The following PTPRT variants were observed in gnomAD, a reference collection of about 807,000 sequenced individuals.
PTPRT encodes the protein protein tyrosine phosphatase receptor type T.
Under a neutral mutation model 176.8 loss-of-function variants are expected in PTPRT, and 56 were observed. The observed-to-expected ratio is 0.32, with a 90% CI of 0.26 to 0.40. The LOEUF (loss-of-function observed/expected upper bound fraction) is 0.40, where lower values mean the gene tolerates loss of function less well. Among genes scored for constraint, PTPRT ranks in the 10% least tolerant of loss-of-function variants. The pLI is 1.00. For missense variants in PTPRT, 1,540 were observed against 1,908.2 expected, an observed-to-expected ratio of 0.81 and a Z score of 3.60; for synonymous variants, 783 against 739.0, an observed-to-expected ratio of 1.06 and a Z score of -0.96.
At chr20:42,163,045 T>A (rs1401971567) in intron 16 of PTPRT, among the ~76,000 whole-genome samples, 1 of 152,186 alleles carries the variant, frequency 6.6e-6, no homozygotes. Context: ...CAGGAATGGT[T>A]GGTCACCCTA....
In PTPRT at chr20:42,118,214, G is replaced by T. The variant is rs544382432; in HGVS notation, c.2982+189C>A. On this transcript the variant is annotated intron_variant, in intron 21 of 30. Coordinates refer to ENST00000373187, the MANE Select transcript of PTPRT (RefSeq NM_007050.6). ...TCAACGGAGAGTGAGGGTGTAAAAA[G>T]GGATGAAGGGGATTTGAAGGGAAAG... Among the ~76,000 whole-genome samples the T allele has an allele frequency of 3.5e-3, 533 of 152,300 alleles. 6 individuals are homozygous for T. The highest frequency in any genetic ancestry group is 0.012 in the African/African-American group (502 of 41,556).
intron 1 of PTPRT, among the ~76,000 whole-genome samples, chr20:42,915,388 C>A (rs1978670039): frequency 6.6e-6 from 1 of 152,234 alleles, no homozygotes; most frequent in Non-Finnish European, 1.5e-5. Context: ...AGCAAGCTGC[C>A]TTCTGATCTG....
intron 27 of PTPRT, among the ~76,000 whole-genome samples, chr20:42,090,787 G>A (rs1011401097): frequency 6.6e-5 from 10 of 152,222 alleles, no homozygotes; most frequent in Admixed American, 1.3e-4. Context: ...TCACGAGGAC[G>A]TAGCTGACCT....
intron 2 of PTPRT, among the ~76,000 whole-genome samples, chr20:42,877,273 C>T (rs915937339): frequency 6.6e-6 from 1 of 152,160 alleles, no homozygotes; most frequent in Non-Finnish European, 1.5e-5. Flanking sequence ...CCTCTGGCTG[C>T]TGGCCCATCC....
chr20:42,751,185 TA>T (rs1217681501), intron 6 of PTPRT, among the ~76,000 whole-genome samples: 1 of 152,094 alleles, frequency 6.6e-6, no homozygotes, highest in East Asian at 1.9e-4. Context: ...TCAGCCTGAG[TA>T]CCTGCTGTGG....
At chr20:42,400,242 A>G (rs530059353) in intron 9 of PTPRT, among the ~76,000 whole-genome samples, 31 of 152,316 alleles carry the variant, frequency 2.0e-4, no homozygotes, top group African/African-American at 7.0e-4. Context: ...GACATCATTT[A>G]AAAAATCATA....
chr20:42,445,678 T>C (rs2059356014), intron 9 of PTPRT, among the ~76,000 whole-genome samples: 1 of 152,218 alleles, frequency 6.6e-6, no homozygotes, highest in Non-Finnish European at 1.5e-5. Context: ...CTGGTTCCGG[T>C]TCTCTGCAAA....
At chr20:42,901,378 T>C (rs1354934528) in intron 1 of PTPRT, among the ~76,000 whole-genome samples, 1 of 152,132 alleles carries the variant, frequency 6.6e-6, no homozygotes, top group African/African-American at 2.4e-5. Context: ...TTAGTAATTA[T>C]TACTCCCATC....
At chr20:42,430,618 C>T (rs2059208009) in intron 9 of PTPRT, among the ~76,000 whole-genome samples, 1 of 152,128 alleles carries the variant, frequency 6.6e-6, no homozygotes, top group Non-Finnish European at 1.5e-5. Context: ...GGCTGCGAGT[C>T]CTTCAATTCA....
intron 1 of PTPRT, among the ~76,000 whole-genome samples, chr20:43,075,212 G>A (rs554098004): frequency 6.6e-6 from 1 of 152,228 alleles, no homozygotes; most frequent in Non-Finnish European, 1.5e-5. Flanking sequence ...GATTTCTCAC[G>A]AAAGTGTTGA....
At chr20:42,619,786 C>A (rs2074153030) in intron 7 of PTPRT, among the ~76,000 whole-genome samples, 1 of 130,622 alleles carries the variant, frequency 7.7e-6, no homozygotes, top group Admixed American at 7.2e-5. Context: ...TGGTTTTCAG[C>A]TCCATCAGCT....
chr20:42,654,210 T>C (rs1484562884), intron 7 of PTPRT, among the ~76,000 whole-genome samples: 1 of 151,874 alleles, frequency 6.6e-6, no homozygotes, highest in Non-Finnish European at 1.5e-5. Context: ...CCATAGAGAA[T>C]GAACAGCAGC....
At chr20:42,146,404 C>T (rs975867489) in intron 17 of PTPRT, among the ~76,000 whole-genome samples, 1 of 152,144 alleles carries the variant, frequency 6.6e-6, no homozygotes, top group Non-Finnish European at 1.5e-5. Context: ...AAAATAATTG[C>T]GTTGAGTACT....
chr20:42,191,570 G>C (rs1991005562), intron 16 of PTPRT, among the ~76,000 whole-genome samples: 1 of 152,170 alleles, frequency 6.6e-6, no homozygotes, highest in South Asian at 2.1e-4. Context: ...ATTCCGAGGA[G>C]GGCTGATGGC....
chr20:43,048,421 G>A (rs1177195016), intron 1 of PTPRT, among the ~76,000 whole-genome samples: 3 of 152,094 alleles, frequency 2.0e-5, no homozygotes, highest in African/African-American at 7.2e-5. Flanking sequence ...ACAACAGGGT[G>A]GCACAACCAG....
chr20:42,782,899 G>A (rs2077234940), intron 3 of PTPRT, among the ~76,000 whole-genome samples: 2 of 152,140 alleles, frequency 1.3e-5, no homozygotes, highest in African/African-American at 2.4e-5. Context: ...TGATGAAAAA[G>A]ACATGGGTTG....
chr20:42,291,164 A>G (rs1568744195), intron 12 of PTPRT, among the ~76,000 whole-genome samples: 1 of 152,094 alleles, frequency 6.6e-6, no homozygotes, highest in African/African-American at 2.4e-5. Flanking sequence ...ATTCTCCTCT[A>G]AGACTGTGCT....
At chr20:42,599,088 G>A (rs1221563993) in intron 7 of PTPRT, among the ~76,000 whole-genome samples, 1 of 152,150 alleles carries the variant, frequency 6.6e-6, no homozygotes, top group South Asian at 2.1e-4. Context: ...TTGAGGACCT[G>A]GTGGCAAGGG....
intron 7 of PTPRT, among the ~76,000 whole-genome samples, chr20:42,517,692 T>C (rs970533428): frequency 5.9e-5 from 9 of 152,194 alleles, no homozygotes; most frequent in African/African-American, 1.4e-4. Flanking sequence ...ATAGTTTCAT[T>C]ATCATTAAGT....
Sources: allele counts gnomAD v4.1 joint callset (sites outside exome capture counted in the v4.1 genomes callset), GRCh38; gene constraint gnomAD v4.1.1; transcripts MANE v1.5; gene names NCBI Gene and HGNC (gene_info 2026-07-23, HGNC 2026-07-21).